The following GPC5 variants were observed in gnomAD, a reference collection of about 807,000 sequenced individuals.
The protein encoded by GPC5 is glypican-5.
A neutral mutation model predicts 53.9 loss-of-function variants in GPC5; 47 were observed. The observed-to-expected ratio is 0.87, with a 90% CI of 0.69 to 1.11. The LOEUF is 1.11. Among genes scored for constraint, GPC5 ranks in the 50% most tolerant of loss-of-function variants. GPC5 has a pLI of 0.00. For synonymous variants in GPC5, 286 were observed against 263.3 expected, an observed-to-expected ratio of 1.09 and a Z score of -0.84; for missense variants, 748 against 713.1, an observed-to-expected ratio of 1.05 and a Z score of -0.56.
intron 6 of GPC5, among the ~76,000 whole-genome samples, chr13:92,118,527 A>T (rs1390571465): frequency 6.6e-6 from 1 of 152,118 alleles, no homozygotes; most frequent in Non-Finnish European, 1.5e-5. Context: ...TTCCAGGTAG[A>T]GCTGAGTGGG....
intron 1 of GPC5, among the ~76,000 whole-genome samples, chr13:91,443,889 C>CG (rs1880611730): frequency 6.6e-6 from 1 of 152,024 alleles, no homozygotes; most frequent in South Asian, 2.1e-4. Flanking sequence ...ACTAAAGATC[C>CG]GGATTTTCAA....
At chr13:91,923,078 G>A (rs1013616814) in intron 6 of GPC5, among the ~76,000 whole-genome samples, 2 of 151,978 alleles carry the variant, frequency 1.3e-5, no homozygotes, top group African/African-American at 2.4e-5. Context: ...GGAATCTCTC[G>A]CAACTTAACT....
In GPC5 at chr13:91,767,270, T is replaced by A. The variant is rs186122776; in HGVS notation, c.1280+10850T>A. On this transcript the variant is annotated intron_variant, in intron 5 of 7. Transcript: ENST00000377067. ...TGAAAACTGAGAAATTATGTCTTAATGGGCAGTTCATCAGATACTCCAAAC... is the reference window on the plus strand; with the variant it reads ...TGAAAACTGAGAAATTATGTCTTAAAGGGCAGTTCATCAGATACTCCAAAC... Among the ~76,000 whole-genome samples the A allele has an allele frequency of 6.6e-5, 10 of 152,356 alleles. No homozygotes were observed. The East Asian group carries it at 1.9e-3, about 29-fold the overall frequency.
At chr13:91,673,888 G>A (rs181250713) in intron 2 of GPC5, among the ~76,000 whole-genome samples, 13 of 152,110 alleles carry the variant, frequency 8.5e-5, no homozygotes, top group East Asian at 7.7e-4. Context: ...TGAGGCCCTA[G>A]TGTTATCATT....
chr13:92,405,163 G>A (rs1290374458), intron 7 of GPC5, among the ~76,000 whole-genome samples: 2 of 131,362 alleles, frequency 1.5e-5, no homozygotes, highest in Non-Finnish European at 3.4e-5. Context: ...CCAGTTCAGG[G>A]GCATGGGTGT....
chr13:91,630,834 TG>T (rs140144089), intron 2 of GPC5, among the ~76,000 whole-genome samples: 2,858 of 152,270 alleles, frequency 0.019, 38 homozygotes, highest in Non-Finnish European at 0.033. Context: ...GTTTTTCTTT[TG>T]TTTTTTTGTT....
chr13:92,164,865 A>G (rs1265869149), intron 7 of GPC5, among the ~76,000 whole-genome samples: 2 of 152,110 alleles, frequency 1.3e-5, no homozygotes, highest in African/African-American at 4.8e-5. Context: ...AGGTTCCCAA[A>G]CTTAATTTCT....
At chr13:91,971,407 C>T (rs2040240926) in intron 6 of GPC5, among the ~76,000 whole-genome samples, 1 of 151,952 alleles carries the variant, frequency 6.6e-6, no homozygotes, top group Non-Finnish European at 1.5e-5. Flanking sequence ...TTGATCTTTT[C>T]AAAAAACCAG....
At chr13:91,763,581 A>G (rs1033116996) in intron 5 of GPC5, among the ~76,000 whole-genome samples, 1 of 152,208 alleles carries the variant, frequency 6.6e-6, no homozygotes, top group African/African-American at 2.4e-5. Flanking sequence ...AATTCATCAC[A>G]TTGCAGATTA....
At chr13:91,705,590 C>T (rs757863338) in intron 3 of GPC5, among the ~76,000 whole-genome samples, 8 of 151,812 alleles carry the variant, frequency 5.3e-5, no homozygotes, top group African/African-American at 9.7e-5. Context: ...TGGATATCAT[C>T]GTTGGGGGGA....
chr13:92,022,006 A>G (rs1251879967), intron 6 of GPC5, among the ~76,000 whole-genome samples: 1 of 151,758 alleles, frequency 6.6e-6, no homozygotes, highest in Non-Finnish European at 1.5e-5. Flanking sequence ...TATTGTATTT[A>G]TTTATTTTTT....
rs116083927 is a variant in GPC5 at position 92,088,742 on chromosome 13, A to G, written c.1402-56088A>G. 4.9e-3 allele frequency among the ~76,000 whole-genome samples: 753 copies of G among 152,294 alleles called. 11 individuals are homozygous for G. The highest frequency in any genetic ancestry group is 0.016 in the African/African-American group (674 of 41,552). On this transcript the variant is annotated intron_variant, in intron 6 of 7. Transcript: ENST00000377067. The stretch of plus-strand genomic sequence containing the variant: ...TATCACATATATGAGTAATGATATT[A>G]GAGGTTTTATAATTTTACCTTTTTT...
rs1172283449 is a variant in GPC5, at chr13:91,813,936, T to TG, written c.1280+57516_1280+57517insG. On this transcript the variant is annotated intron_variant, in intron 5 of 7. Transcript: ENST00000377067. Reference sequence around the variant, plus strand: ...TCTTAACTGATTTTTTTTTTTTTTTTTTTTTTTTTTTTTTGAGACAGAGTA... The same window carrying TG: ...TCTTAACTGATTTTTTTTTTTTTTTTGTTTTTTTTTTTTTTGAGACAGAGTA... Among the ~76,000 whole-genome samples, 35 of 133,628 alleles carry TG rather than the reference T, an allele frequency of 2.6e-4. No individual in the cohort carries two copies. The East Asian group carries it at 3.5e-3, about 13-fold the overall frequency. The allele number at this position is 133,628 out of a possible 152,430, so 87.7% of individuals were successfully genotyped here. A position where few individuals can be genotyped will look rare whatever the true frequency, so the allele number is the denominator to read the frequency against.
chr13:91,775,875 G>T (rs1351801589), intron 5 of GPC5, among the ~76,000 whole-genome samples: 1 of 152,166 alleles, frequency 6.6e-6, no homozygotes, highest in Non-Finnish European at 1.5e-5. Flanking sequence ...AGCTTAGGTG[G>T]CTAGAACTCT....
intron 2 of GPC5, among the ~76,000 whole-genome samples, chr13:91,659,073 G>A (rs959319258): frequency 3.9e-5 from 6 of 152,036 alleles, no homozygotes; most frequent in East Asian, 1.9e-4. Context: ...GTACCCAGCA[G>A]CATTTGTTGA....
At chr13:91,541,517 G>A (rs964905101) in intron 2 of GPC5, among the ~76,000 whole-genome samples, 51 of 151,944 alleles carry the variant, frequency 3.4e-4, no homozygotes, top group Non-Finnish European at 2.8e-4. Flanking sequence ...TTTAATTTAT[G>A]TTTTAATATC....
intron 6 of GPC5, among the ~76,000 whole-genome samples, chr13:92,041,093 C>T (rs1454182943): frequency 1.3e-5 from 2 of 151,980 alleles, no homozygotes; most frequent in Non-Finnish European, 2.9e-5. Context: ...CTCAGGTGAT[C>T]CACCCTTCTC....
chr13:91,419,084 G>A (rs1362195814), intron 1 of GPC5, among the ~76,000 whole-genome samples: 1 of 151,976 alleles, frequency 6.6e-6, no homozygotes, highest in African/African-American at 2.4e-5. Context: ...ATATTCTTAT[G>A]CTGTAGGACC....
chr13:91,710,567 G>A (rs918536628), intron 3 of GPC5, among the ~76,000 whole-genome samples: 1 of 152,072 alleles, frequency 6.6e-6, no homozygotes, highest in Admixed American at 6.6e-5. Flanking sequence ...AATAGCTCTG[G>A]GAGTGTTCCC....
Sources: gnomAD v4.1 joint callset for allele counts (sites outside exome capture counted in the v4.1 genomes callset) on GRCh38, gnomAD v4.1.1 for gene constraint, MANE v1.5 for transcripts, NCBI Gene and HGNC (gene_info 2026-07-23, HGNC 2026-07-21) for gene names.